The following CDK8 variants were observed in gnomAD, a reference collection of about 807,000 sequenced individuals.
The protein encoded by CDK8 is cyclin-dependent kinase 8.
In CDK8, 29 loss-of-function variants were observed where a neutral mutation model predicts 71.5. That is an observed-to-expected ratio of 0.41 (90% CI 0.30 to 0.55). CDK8 has a LOEUF of 0.55. CDK8 is among the 20% of genes least tolerant of loss of function. The pLI is 0.37. For synonymous variants in CDK8, 161 were observed against 192.1 expected (o/e 0.84, Z 1.34); for missense variants, 288 against 572.6 (o/e 0.50, Z 5.07).
chr13:26,390,347 G>T (rs969414457), intron 6 of CDK8, among the ~76,000 whole-genome samples: 2 of 152,144 alleles, frequency 1.3e-5, no homozygotes, highest in East Asian at 3.9e-4. Flanking sequence ...TGATCAGAAC[G>T]CATCAAACTC....
chr13:26,343,696 T>A (rs977271766), intron 2 of CDK8, among the ~76,000 whole-genome samples: 2 of 152,220 alleles, frequency 1.3e-5, no homozygotes, highest in Admixed American at 6.5e-5. Flanking sequence ...ATAAGCACTG[T>A]ACACTTAGGC....
intron 1 of CDK8, among the ~76,000 whole-genome samples, chr13:26,303,708 C>G (rs1328221416): frequency 2.0e-5 from 3 of 152,094 alleles, no homozygotes; most frequent in Admixed American, 2.0e-4. Flanking sequence ...TTAAAACTTC[C>G]TTTTATGATC....
chr13:26,304,101 T>TA (rs1408425447), intron 1 of CDK8, among the ~76,000 whole-genome samples: 4 of 151,874 alleles, frequency 2.6e-5, no homozygotes, highest in Admixed American at 6.6e-5. Context: ...CCATCTCTAC[T>TA]AAAAATACAA....
intron 2 of CDK8, among the ~76,000 whole-genome samples, chr13:26,342,822 T>C (rs1873300128): frequency 6.6e-6 from 1 of 152,216 alleles, no homozygotes; most frequent in South Asian, 2.1e-4. Flanking sequence ...CCTAACAAAA[T>C]ACTACAGGCT....
At chr13:26,333,067 A>T (rs1322589510) in intron 1 of CDK8, among the ~76,000 whole-genome samples, 2 of 152,160 alleles carry the variant, frequency 1.3e-5, no homozygotes, top group Non-Finnish European at 2.9e-5. Flanking sequence ...CAAGGGAGAA[A>T]AGGTATTCTG....
chr13:26,382,301 C>A (rs2138045175), intron 4 of CDK8, among the ~76,000 whole-genome samples: 1 of 152,186 alleles, frequency 6.6e-6, no homozygotes, highest in Admixed American at 6.5e-5. Context: ...TGAAAAATTC[C>A]TATTACTTGA....
chr13:26,360,636 T>C (rs1874094662), intron 4 of CDK8, among the ~76,000 whole-genome samples: 1 of 152,224 alleles, frequency 6.6e-6, no homozygotes, highest in African/African-American at 2.4e-5. Flanking sequence ...TGTCTTACTC[T>C]GTGTTTGTAT....
chr13:26,296,057 A>G (rs1593246235), intron 1 of CDK8, among the ~76,000 whole-genome samples: 2 of 152,198 alleles, frequency 1.3e-5, no homozygotes, highest in Non-Finnish European at 1.5e-5. Flanking sequence ...TCTGCACTCT[A>G]CTTTTTAGCC....
chr13:26,329,483 G>GTTTTTTTTTTTTTTTTTTTTTTTTTGT (rs543441898), intron 1 of CDK8, among the ~76,000 whole-genome samples: 9 of 128,468 alleles, frequency 7.0e-5, no homozygotes, highest in East Asian at 2.2e-4. Context: ...TTTTTTTTTT[G>GTTTTTTTTTTTTTTTTTTTTTTTTTGT]TTTTTTTTTT....
chr13:26,332,692 G>A (rs1251553675), intron 1 of CDK8, among the ~76,000 whole-genome samples: 3 of 151,986 alleles, frequency 2.0e-5, no homozygotes, highest in East Asian at 1.9e-4. Context: ...TTCCTCATTC[G>A]TATGATGTTA....
intron 4 of CDK8, among the ~76,000 whole-genome samples, chr13:26,366,191 T>C (rs1874379616): frequency 6.6e-6 from 1 of 152,124 alleles, no homozygotes; most frequent in African/African-American, 2.4e-5. Flanking sequence ...CATTAAATCT[T>C]TTTCAGTTTG....
At chr13:26,266,677 C>T (rs1872034844) in intron 1 of CDK8, among the ~76,000 whole-genome samples, 1 of 152,146 alleles carries the variant, frequency 6.6e-6, no homozygotes, top group Non-Finnish European at 1.5e-5. Context: ...TAAGTCATAA[C>T]ACACTTTGTA....
intron 1 of CDK8, among the ~76,000 whole-genome samples, chr13:26,272,565 G>T (rs1189675403): frequency 6.6e-6 from 1 of 152,164 alleles, no homozygotes; most frequent in Admixed American, 6.5e-5. Flanking sequence ...AGTCAAACTG[G>T]AGTACACTCT....
At chr13:26,297,070 A>G (rs887846263) in intron 1 of CDK8, among the ~76,000 whole-genome samples, 17 of 152,188 alleles carry the variant, frequency 1.1e-4, no homozygotes, top group South Asian at 2.1e-4. Flanking sequence ...TAGATGGCCT[A>G]TCATTAGGGT....
At chr13:26,355,318 T>C (rs1294717368) in intron 4 of CDK8, among the ~76,000 whole-genome samples, 2 of 152,180 alleles carry the variant, frequency 1.3e-5, no homozygotes, top group Non-Finnish European at 2.9e-5. Flanking sequence ...ATTTCACTTA[T>C]AAAAATAGAT....
At chr13:26,263,141 C>T (rs12323043) in intron 1 of CDK8, among the ~76,000 whole-genome samples, 16,468 of 150,590 alleles carry the variant, frequency 0.11, 2,643 homozygotes, top group African/African-American at 0.35. Context: ...TTTTGTTTTT[C>T]GGTTTTTTTT....
intron 1 of CDK8, among the ~76,000 whole-genome samples, chr13:26,330,481 A>G (rs1875262596): frequency 6.6e-6 from 1 of 152,228 alleles, no homozygotes; most frequent in African/African-American, 2.4e-5. Context: ...CTGGGATTAC[A>G]GGCGTGAGCT....
chr13:26,266,928 G>A (rs4770965), intron 1 of CDK8, among the ~76,000 whole-genome samples: 95,031 of 152,008 alleles, frequency 0.63, 29,945 homozygotes, highest in African/African-American at 0.71. Context: ...ATGAATTCAA[G>A]TAGTCCAGAA....
At chr13:26,303,075 G>A (rs1280579608) in intron 1 of CDK8, among the ~76,000 whole-genome samples, 2 of 151,934 alleles carry the variant, frequency 1.3e-5, no homozygotes, top group South Asian at 4.2e-4. Flanking sequence ...TATGTATGCA[G>A]GCATATTGTG....
Sources: allele counts gnomAD v4.1 joint callset (sites outside exome capture counted in the v4.1 genomes callset), GRCh38; gene constraint gnomAD v4.1.1; transcripts MANE v1.5; gene names NCBI Gene and HGNC (gene_info 2026-07-23, HGNC 2026-07-21).